RAD51D: variants seen among roughly 807,000 people sequenced by gnomAD.
RAD51D encodes the protein DNA repair protein RAD51 homolog 4.
A neutral mutation model predicts 44.1 loss-of-function variants in RAD51D; 38 were observed. The observed-to-expected ratio is 0.86, with a 90% CI of 0.67 to 1.13. The LOEUF is 1.13. Ranked by LOEUF, RAD51D falls within the 50% of genes most tolerant of loss-of-function variation. The pLI is 0.00. For missense variants in RAD51D, 390 were observed against 414.0 expected, an observed-to-expected ratio of 0.94 and a Z score of 0.50; for synonymous variants, 141 against 166.6, an observed-to-expected ratio of 0.85 and a Z score of 1.18.
intron 3 of RAD51D, chr17:35,117,018 C>A: frequency 6.2e-7 from 1 of 1,613,312 alleles, no homozygotes; most frequent in Non-Finnish European, 8.5e-7. Context: ...CAGGTTCCCA[C>A]TTGAGTGCGC....
chr17:35,110,288 GT>G (rs1388722504), intron 3 of RAD51D, among the ~76,000 whole-genome samples: 1 of 151,978 alleles, frequency 6.6e-6, no homozygotes, highest in Non-Finnish European at 1.5e-5. Context: ...TAATTGAATT[GT>G]TTGATTTTTT....
At chr17:35,119,395 G>A in intron 1 of RAD51D, 137 bp downstream of exon 1, 2 of 1,097,600 alleles carry the variant, frequency 1.8e-6, no homozygotes, top group East Asian at 2.4e-5. Context: ...CCCTTCCTGA[G>A]CCTCTCCAGA....
At chr17:35,113,519 T>C (rs542576444) in intron 3 of RAD51D, 41 of 413,086 alleles carry the variant, frequency 9.9e-5, no homozygotes, top group Non-Finnish European at 1.8e-4. Context: ...CCCACTCGCC[T>C]TGGCCTCCCA....
intron 3 of RAD51D, chr17:35,115,141 C>T: frequency 2.4e-6 from 1 of 412,346 alleles, no homozygotes; most frequent in Admixed American, 2.6e-5. Context: ...CCCTGTCTTG[C>T]CCCATGAAGC....
intron 3 of RAD51D, chr17:35,115,366 C>T (rs1348555796): frequency 4.1e-6 from 2 of 488,734 alleles, no homozygotes; most frequent in Non-Finnish European, 4.1e-6. Flanking sequence ...ATCAATCTCC[C>T]TCATCAACAT....
At chr17:35,108,872 T>C (rs2142442380) in intron 3 of RAD51D, among the ~76,000 whole-genome samples, 1 of 149,586 alleles carries the variant, frequency 6.7e-6, no homozygotes, top group East Asian at 2.0e-4. Flanking sequence ...TCTTTTCTTT[T>C]TTTTTTTTTT....
rs1287289825 is a variant in RAD51D at position 35,094,663 on chromosome 17, A to G, written c.*6290T>C. The G allele has an allele frequency of 1.3e-5, 2 of 152,258 alleles. No individual in the cohort carries two copies. Among genetic ancestry groups the G allele is most frequent in the Non-Finnish European group, 2.9e-5 (2 of 68,046 alleles). 9.4% of individuals were successfully genotyped at this position (152,258 alleles called of 1,614,324 possible). A position where few individuals can be genotyped will look rare whatever the true frequency, so the allele number is the denominator to read the frequency against. Reference sequence around the variant, plus strand: ...GAAACATTTACATATTTACAGCAGAAGGCAGCGTGCAGATGGGAAAAAATG... The same window carrying G: ...GAAACATTTACATATTTACAGCAGAGGGCAGCGTGCAGATGGGAAAAAATG... On this transcript the variant is annotated 3_prime_UTR_variant, in exon 10 of 10. Transcript: ENST00000345365.
At position 35,100,993 on chromosome 17, in the gene RAD51D, G is replaced by T; in HGVS notation, c.947C>A (p.Thr316Asn). 6.2e-7 allele frequency: 1 copy of T among 1,613,744 alleles called. No homozygotes were observed. Among genetic ancestry groups the T allele is most frequent in the South Asian group, 1.1e-5 (1 of 91,056 alleles). ...QEMVDIGTWG[T>N]SEQSATLQGD... Reference sequence around the variant, plus strand: ...CTGTAATGTGGCACTCTGCTCTGAGGTCCCCCAGGTCCCAATGTCTACCAT... The same window carrying T: ...CTGTAATGTGGCACTCTGCTCTGAGTTCCCCCAGGTCCCAATGTCTACCAT... The change falls in exon 10 of 10, where the codon ACC becomes AAC. Residue 316 changes from threonine to asparagine, a missense_variant. By Grantham distance (65) the Thr-to-Asn change is moderately conservative (BLOSUM62 0). Transcript: ENST00000345365.
chr17:35,118,771 C>A (rs2091781356), intron 2 of RAD51D, 152 bp from the exon 3 acceptor site: 2 of 728,402 alleles, frequency 2.7e-6, no homozygotes, highest in African/African-American at 3.5e-5. Context: ...CAGACAGGGT[C>A]TCACTCTGTC....
Position 35,119,634 on chromosome 17 carries a change from G to A in RAD51D, c.-21C>T, listed in dbSNP as rs1270265380. ...CCCATGTTCCCCGCAGGCCGGAACA[G>A]CCCCAGGGGGACTGCACGTCACGTG... is the stretch of plus-strand genomic sequence containing the variant. On this transcript the variant is annotated 5_prime_UTR_variant, in exon 1 of 10. Transcript: ENST00000345365. 1 of 1,607,594 alleles carries A rather than the reference G, an allele frequency of 6.2e-7. No homozygotes were observed.
Position 35,118,434 on chromosome 17 carries a change from A to G in RAD51D, c.263+67T>C. The G allele has an allele frequency of 5.8e-6, 8 of 1,386,178 alleles. No homozygotes were observed. In the South Asian group the frequency reaches 5.8e-5, roughly 10 times the overall value. 85.9% of individuals were successfully genotyped at this position (1,386,178 alleles called of 1,614,324 possible). A position where few individuals can be genotyped will look rare whatever the true frequency, so the allele number is the denominator to read the frequency against. On this transcript the variant is annotated intron_variant, in intron 3 of 9. Transcript: ENST00000345365. ...CCCTCCCGTCTAGACTCAAGCATCA[A>G]AAGCAGAGCTGAGAGGAGGCCCCAT... is the stretch of plus-strand genomic sequence containing the variant.
chr17:35,112,633 C>T (rs2091691594), intron 3 of RAD51D, among the ~76,000 whole-genome samples: 1 of 152,162 alleles, frequency 6.6e-6, no homozygotes, highest in Admixed American at 6.5e-5. Context: ...TTGCCTCGAC[C>T]TTCCAAAGTG....
At chr17:35,114,343 T>C (rs1338702427) in intron 3 of RAD51D, among the ~76,000 whole-genome samples, 1 of 151,946 alleles carries the variant, frequency 6.6e-6, no homozygotes, top group Non-Finnish European at 1.5e-5. Flanking sequence ...ATGTCAGCAG[T>C]ACCCAAAGTT....
intron 3 of RAD51D, 38 bp downstream of exon 3, chr17:35,118,442 GCTGAGAGGAGGCCCCATCCTC>G: frequency 7.0e-7 from 1 of 1,420,110 alleles, no homozygotes; most frequent in Non-Finnish European, 1.0e-6. Flanking sequence ...CAAAAGCAGA[GCTGAGAGGAGGCCCCATCCTC>G]CTGCCTCTCT....
intron 3 of RAD51D, among the ~76,000 whole-genome samples, chr17:35,117,825 C>T (rs1320597259): frequency 3.3e-5 from 5 of 152,172 alleles, no homozygotes; most frequent in Admixed American, 6.5e-5. Context: ...TCTCTGAACT[C>T]TCCTGTTCTC....
At chr17:35,118,427 A>G in intron 3 of RAD51D, 74 bp downstream of exon 3, 1 of 1,296,024 alleles carries the variant, frequency 7.7e-7, no homozygotes, top group Non-Finnish European at 1.1e-6. Flanking sequence ...TCTAGACTCA[A>G]GCATCAAAAG....
Position 35,103,611 on chromosome 17 carries a change from G to T in RAD51D, c.577-67C>A. On this transcript the variant is annotated intron_variant, in intron 6 of 9. Transcript: ENST00000345365. This position sits in a 1 kb window ranked among gnomAD's most constrained non-coding sequence, Gnocchi z 4.1. ...CTAGGACACATTACAGGACAAGCTT[G>T]CTTTTCTATCTAAAACTAGTAAGAA... is the stretch of plus-strand genomic sequence containing the variant. 3 of 1,285,684 alleles carry T rather than the reference G, an allele frequency of 2.3e-6. No homozygotes were observed. The highest frequency in any genetic ancestry group is 2.2e-6 in the Non-Finnish European group (2 of 888,916). 79.6% of individuals were successfully genotyped at this position (1,285,684 alleles called of 1,614,324 possible).
At chr17:35,116,997 T>C in intron 3 of RAD51D, 1 of 1,613,936 alleles carries the variant, frequency 6.2e-7, no homozygotes, top group Non-Finnish European at 8.5e-7. Flanking sequence ...CTGAGGCAGC[T>C]GCAGTCCTCC....
rs147601396 is a variant in RAD51D, at chr17:35,117,648, C to A, written c.263+853G>T. Among the ~76,000 whole-genome samples, 18 of 152,244 alleles carry A rather than the reference C, an allele frequency of 1.2e-4. No individual in the cohort carries two copies. In the East Asian group the frequency reaches 3.5e-3, roughly 29 times the overall value. The stretch of plus-strand genomic sequence containing the variant: ...GGGACTACAGGCGCCCGCCACCACG[C>A]CCGACTAATTTTTGTATGTTTAGTA... On this transcript the variant is annotated intron_variant, in intron 3 of 9. Coordinates refer to ENST00000345365, the MANE Select transcript of RAD51D (RefSeq NM_002878.4).
Sources: allele counts gnomAD v4.1 joint callset (sites outside exome capture counted in the v4.1 genomes callset), GRCh38; gene constraint gnomAD v4.1.1; non-coding constraint Gnocchi (gnomAD v3.1); transcripts MANE v1.5; gene names NCBI Gene and HGNC (gene_info 2026-07-23, HGNC 2026-07-21).